The following ATP4B variants were observed in gnomAD, a reference collection of about 807,000 sequenced individuals.
ATP4B encodes ATPase H+/K+ transporting subunit beta, also known as potassium-transporting ATPase subunit beta.
Under a neutral mutation model 35.3 loss-of-function variants are expected in ATP4B, and 27 were observed. The observed-to-expected ratio is 0.76, with a 90% CI of 0.56 to 1.05. The LOEUF (loss-of-function observed/expected upper bound fraction) is 1.05. Ranked by LOEUF, ATP4B falls within the 50% of genes least tolerant of loss-of-function variation. The pLI is 0.00. For missense variants in ATP4B, 375 were observed against 384.8 expected, an observed-to-expected ratio of 0.97 and a Z score of 0.21; for synonymous variants, 162 against 156.0, an observed-to-expected ratio of 1.04 and a Z score of -0.29.
intron 1 of ATP4B, among the ~76,000 whole-genome samples, chr13:113,656,507 T>G (rs1405148728): frequency 6.6e-6 from 1 of 152,140 alleles, no homozygotes; most frequent in African/African-American, 2.4e-5. Context: ...CTGCACTTCC[T>G]GGGCCCCCGC....
Position 113,650,374 on chromosome 13 carries a change from T to C in ATP4B, c.714+32A>G, listed in dbSNP as rs919818982. 1 of 1,586,280 alleles carries C rather than the reference T, an allele frequency of 6.3e-7. No homozygotes were observed. Among genetic ancestry groups the C allele is most frequent in the African/African-American group, 1.3e-5 (1 of 74,268 alleles). Reference sequence around the variant, plus strand: ...TAAGTGTGAGAGGACTCAGCAGCTGTGGTGAGGGAAGCGTGGAAGGAAGGA... The same window carrying C: ...TAAGTGTGAGAGGACTCAGCAGCTGCGGTGAGGGAAGCGTGGAAGGAAGGA... On this transcript the variant is annotated intron_variant, in intron 6 of 6. Coordinates refer to ENST00000335288, the MANE Select transcript of ATP4B (RefSeq NM_000705.4). This position sits in a 1 kb window ranked among gnomAD's most constrained non-coding sequence, Gnocchi z 5.0.
At chr13:113,657,702 C>G (rs886838008) in intron 1 of ATP4B, among the ~76,000 whole-genome samples, 2 of 152,250 alleles carry the variant, frequency 1.3e-5, no homozygotes, top group African/African-American at 4.8e-5. Context: ...CCACCTTTCA[C>G]GTTATTTTCA....
intron 5 of ATP4B, among the ~76,000 whole-genome samples, chr13:113,651,161 A>G (rs138168300): frequency 4.1e-4 from 63 of 152,268 alleles, no homozygotes; most frequent in Non-Finnish European, 6.0e-4. Flanking sequence ...TTTGGGTGTC[A>G]TGGTGGAAGC....
chr13:113,652,179 C>T (rs1044126978), intron 4 of ATP4B, among the ~76,000 whole-genome samples: 5 of 152,244 alleles, frequency 3.3e-5, no homozygotes, highest in African/African-American at 1.2e-4. Context: ...CCAGCCATCC[C>T]CTGCTGTGCT....
chr13:113,649,512 C>G lies in ATP4B; in HGVS notation c.738G>C (p.Val246=), dbSNP rs150733287. ...KAQPHYSNPL[V]AAKLLNIPRN... is the part of the protein sequence containing the mutation. The stretch of plus-strand genomic sequence containing the variant: ...TGGGGATGTTGAGGAGCTTCGCTGC[C>G]ACCAGGGGGTTGCTGTAGTGGGGCT... The change falls in exon 7 of 7, where the codon GTG becomes GTC. Residue 246 remains valine (V), a synonymous_variant. Coordinates refer to ENST00000335288, the MANE Select transcript of ATP4B (RefSeq NM_000705.4). The surrounding 1 kb of genome is among the most constrained non-coding windows in gnomAD (Gnocchi z 4.7). 1.3e-6 allele frequency: 2 copies of G among 1,538,190 alleles called. No homozygotes were observed. The highest frequency in any genetic ancestry group is 1.8e-6 in the Non-Finnish European group (2 of 1,137,496).
Position 113,649,190 on chromosome 13 carries a change from C to T in ATP4B, c.*184G>A, listed in dbSNP as rs896556246. The T allele has an allele frequency of 1.8e-6, 1 of 559,382 alleles. No homozygotes were observed. The highest frequency in any genetic ancestry group is 3.0e-6 in the Non-Finnish European group (1 of 334,372). The allele number at this position is 559,382 out of a possible 1,614,324, so 34.7% of individuals were successfully genotyped here. ...ACTGTAAGAATTCAACAAGGAAGAACTGATACTCGCGAGCAGGTCCTTCAG... is the reference window on the plus strand; with the variant it reads ...ACTGTAAGAATTCAACAAGGAAGAATTGATACTCGCGAGCAGGTCCTTCAG... On this transcript the variant is annotated 3_prime_UTR_variant, in exon 7 of 7. Coordinates refer to ENST00000335288, the MANE Select transcript of ATP4B (RefSeq NM_000705.4). This position sits in a 1 kb window ranked among gnomAD's most constrained non-coding sequence, Gnocchi z 4.7.
intron 1 of ATP4B, among the ~76,000 whole-genome samples, chr13:113,656,223 G>A (rs1770301272): frequency 6.6e-6 from 1 of 152,194 alleles, no homozygotes; most frequent in South Asian, 2.1e-4. Flanking sequence ...GTGTCCCCAG[G>A]TCACTCCTGA....
At chr13:113,651,973 A>C (rs2049715959) in intron 4 of ATP4B, among the ~76,000 whole-genome samples, 2 of 151,866 alleles carry the variant, frequency 1.3e-5, no homozygotes, top group Non-Finnish European at 2.9e-5. Flanking sequence ...CCCAGGCTTC[A>C]GGAGGCGGCT....
At position 113,650,415 on chromosome 13, in the gene ATP4B, C is replaced by G; in HGVS notation, c.705G>C (p.Lys235Asn). ...FSLHYFPYYGKKAQPHYSNPL... is the reference protein window; with the variant it reads ...FSLHYFPYYGNKAQPHYSNPL... ...GAAGGAAGGAACCTACCTGGGCTTTCTTCCCGTAATAAGGGAAGTAGTGCA... is the reference window on the plus strand; with the variant it reads ...GAAGGAAGGAACCTACCTGGGCTTTGTTCCCGTAATAAGGGAAGTAGTGCA... The change falls in exon 6 of 7, where the codon AAG becomes AAC. Residue 235 changes from lysine to asparagine, a missense_variant. Transcript: ENST00000335288. This position sits in a 1 kb window ranked among gnomAD's most constrained non-coding sequence, Gnocchi z 5.0. 1 of 1,613,996 alleles carries G rather than the reference C, an allele frequency of 6.2e-7. No homozygotes were observed. Among genetic ancestry groups the G allele is most frequent in the Non-Finnish European group, 8.5e-7 (1 of 1,179,904 alleles).
rs2049695838 is a variant in ATP4B at position 113,649,513 on chromosome 13, A to T, written c.737T>A (p.Val246Glu). ...KAQPHYSNPL[V>E]AAKLLNIPRN... ...GGGGATGTTGAGGAGCTTCGCTGCC[A>T]CCAGGGGGTTGCTGTAGTGGGGCTG... The change falls in exon 7 of 7, where the codon GTG becomes GAG. Residue 246 changes from valine (V) to glutamate (E), a missense_variant. By Grantham distance (121) the Val-to-Glu change is moderately radical. Transcript: ENST00000335288. This position sits in a 1 kb window ranked among gnomAD's most constrained non-coding sequence, Gnocchi z 4.7. 1 of 1,538,534 alleles carries T rather than the reference A, an allele frequency of 6.5e-7. No individual in the cohort carries two copies. Among genetic ancestry groups the T allele is most frequent in the Non-Finnish European group, 8.8e-7 (1 of 1,137,702 alleles).
intron 1 of ATP4B, among the ~76,000 whole-genome samples, chr13:113,656,047 G>A (rs537015874): frequency 7.9e-5 from 12 of 152,358 alleles, no homozygotes; most frequent in East Asian, 1.9e-4. Context: ...CCCGCCGGGC[G>A]TCCCTGGTGA....
At chr13:113,657,473 C>T (rs2049764342) in intron 1 of ATP4B, among the ~76,000 whole-genome samples, 2 of 152,224 alleles carry the variant, frequency 1.3e-5, no homozygotes, top group South Asian at 4.1e-4. Context: ...CCCAGGAGGG[C>T]CAGGCTGCCC....
rs143267165 is a variant in ATP4B, at chr13:113,654,707, TG to T, written c.241+106del. The T allele has an allele frequency of 3.2e-4, 468 of 1,473,510 alleles. 1 individual carries two copies. In the African/African-American group the frequency reaches 5.9e-3, roughly 18 times the overall value. The allele number at this position is 1,473,510 out of a possible 1,614,324, so 91.3% of individuals were successfully genotyped here. ...CCTGGGGCTGCCGGGCTGGCTTCCC[TG>T]GGCTTCATTTCTGGGGAGGGCACGG... On this transcript the variant is annotated intron_variant, in intron 2 of 6. Transcript: ENST00000335288.
intron 1 of ATP4B, among the ~76,000 whole-genome samples, chr13:113,655,607 A>G (rs952081800): frequency 2.6e-5 from 4 of 152,222 alleles, no homozygotes; most frequent in Admixed American, 2.6e-4. Flanking sequence ...TCCTGGACAC[A>G]GGCGACTGCC....
chr13:113,654,589 C>G (rs1346202759), intron 2 of ATP4B, among the ~76,000 whole-genome samples: 2 of 152,244 alleles, frequency 1.3e-5, no homozygotes, highest in Non-Finnish European at 2.9e-5. Flanking sequence ...TGGAAAGAAA[C>G]TAAGGGGCCG....
intron 2 of ATP4B, 120 bp downstream of exon 2, chr13:113,654,693 CG>C (rs2049739570): frequency 3.5e-6 from 5 of 1,439,874 alleles, no homozygotes; most frequent in Non-Finnish European, 4.6e-6. Flanking sequence ...CTGGGGCTGC[CG>C]GGCTGGCTTC....
At chr13:113,655,190 G>A (rs150181936) in intron 1 of ATP4B, among the ~76,000 whole-genome samples, 63 of 152,270 alleles carry the variant, frequency 4.1e-4, no homozygotes, top group Middle Eastern at 3.4e-3. Context: ...AGAATCCTGC[G>A]ACCCGAGGCA....
chr13:113,653,239 G>A (rs969008330), intron 3 of ATP4B, 82 bp downstream of exon 3: 29 of 1,365,552 alleles, frequency 2.1e-5, no homozygotes, highest in South Asian at 1.1e-4. Flanking sequence ...TCACCCACCC[G>A]CCGCTTCACA....
Position 113,658,052 on chromosome 13 carries a change from G to A in ATP4B, c.93C>T (p.Gly31=), listed in dbSNP as rs1370918901. 2 of 1,605,770 alleles carry A rather than the reference G, an allele frequency of 1.2e-6. No individual in the cohort carries two copies. Among genetic ancestry groups the A allele is most frequent in the Non-Finnish European group, 1.7e-6 (2 of 1,177,146 alleles). Residue 31 remains glycine, a synonymous_variant, in exon 1 of 7, where the codon GGC becomes GGT. Transcript: ENST00000335288. ...CWNPDTGQML[G]RTLSRWVWIS... is the part of the protein sequence containing the mutation. ...ACGTACCCCACCGGGACAGGGTGCG[G>A]CCCAGCATCTGCCCCGTGTCCGGGT...
Sources: allele counts gnomAD v4.1 joint callset (sites outside exome capture counted in the v4.1 genomes callset), GRCh38; gene constraint gnomAD v4.1.1; non-coding constraint Gnocchi (gnomAD v3.1); transcripts MANE v1.5; gene names NCBI Gene and HGNC (gene_info 2026-07-23, HGNC 2026-07-21).